KLC1: variants seen among roughly 807,000 people sequenced by gnomAD.
KLC1 encodes kinesin light chain 1.
A neutral mutation model predicts 84.2 loss-of-function variants in KLC1; 30 were observed. That is an observed-to-expected ratio of 0.36 (90% confidence interval 0.27 to 0.48). The LOEUF (loss-of-function observed/expected upper bound fraction) is 0.48, where lower values mean the gene tolerates loss of function less well. KLC1 is among the 20% of genes least tolerant of loss of function. The pLI, the probability that KLC1 is intolerant of heterozygous loss-of-function variation, is 0.99. For synonymous variants in KLC1, 289 were observed against 293.3 expected, an observed-to-expected ratio of 0.99 and a Z score of 0.15; for missense variants, 499 against 805.4, an observed-to-expected ratio of 0.62 and a Z score of 4.60.
At chr14:103,635,122 G>A (rs893096361) in intron 1 of KLC1, among the ~76,000 whole-genome samples, 19 of 152,190 alleles carry the variant, frequency 1.2e-4, no homozygotes, top group African/African-American at 3.9e-4. Context: ...TTAAAGCAAC[G>A]GATATGGAGC....
chr14:103,657,852 C>T lies in KLC1; in HGVS notation c.492+76C>T, dbSNP rs183373946. ...GGGAAAGTCATAGAGGTTCTGTTTG[C>T]CATATTCTTTTCATATTAGAACATA... On this transcript the variant is annotated intron_variant, in intron 3 of 16. Transcript: ENST00000334553. The T allele has an allele frequency of 7.8e-4, 846 of 1,079,138 alleles. 1 individual carries two copies. Among genetic ancestry groups the T allele is most frequent in the Non-Finnish European group, 1.0e-3 (750 of 724,948 alleles). The allele number at this position is 1,079,138 out of a possible 1,614,324, so 66.8% of individuals were successfully genotyped here. A position where few individuals can be genotyped will look rare whatever the true frequency, so the allele number is the denominator to read the frequency against.
intron 1 of KLC1, among the ~76,000 whole-genome samples, chr14:103,639,288 G>A (rs911612601): frequency 7.3e-5 from 11 of 151,482 alleles, no homozygotes; most frequent in African/African-American, 2.4e-4. Context: ...GTGCCACCAC[G>A]CCTAGCTAAT....
chr14:103,636,650 G>A (rs536871114), intron 1 of KLC1, among the ~76,000 whole-genome samples: 2 of 152,162 alleles, frequency 1.3e-5, no homozygotes, highest in Admixed American at 1.3e-4. Flanking sequence ...GCCTGGATTT[G>A]TAAAGTGTCT....
chr14:103,649,990 C>T lies in KLC1; in HGVS notation c.-1-4574C>T, dbSNP rs554777440. Among the ~76,000 whole-genome samples, 7 of 152,274 alleles carry T rather than the reference C, an allele frequency of 4.6e-5. No homozygotes were observed. The East Asian group carries it at 1.2e-3, about 25-fold the overall frequency. ...GATTACAGGCGTGAGCCACCGTGCC[C>T]GGCAGCTTCTTGTGTTTTGGGAGCT... On this transcript the variant is annotated intron_variant, in intron 1 of 16. Transcript: ENST00000334553.
At chr14:103,636,925 T>G (rs1286100807) in intron 1 of KLC1, among the ~76,000 whole-genome samples, 1 of 151,146 alleles carries the variant, frequency 6.6e-6, no homozygotes, top group East Asian at 2.0e-4. Context: ...AGATATGGGT[T>G]TCACCATGTT....
At chr14:103,690,959 A>G (rs2082073213) in intron 14 of KLC1, among the ~76,000 whole-genome samples, 1 of 152,190 alleles carries the variant, frequency 6.6e-6, no homozygotes, top group South Asian at 2.1e-4. Context: ...CTAACAATAA[A>G]GTTGATTTCC....
chr14:103,689,299 T>C (rs917593435), intron 14 of KLC1, among the ~76,000 whole-genome samples: 2 of 152,156 alleles, frequency 1.3e-5, no homozygotes, highest in Non-Finnish European at 2.9e-5. Context: ...AGTTGTTCTG[T>C]TTTCTCGTGT....
intron 13 of KLC1, chr14:103,685,525 G>T: frequency 1.6e-6 from 2 of 1,284,702 alleles, no homozygotes; most frequent in Admixed American, 2.3e-5. Context: ...CCACTCAGAA[G>T]GCTGCTGAGA....
In KLC1 at chr14:103,652,372, A is replaced by G. The variant is rs139425043; in HGVS notation, c.-1-2192A>G. Among the ~76,000 whole-genome samples the G allele has an allele frequency of 2.9e-3, 436 of 152,324 alleles. 5 individuals are homozygous for G. Among genetic ancestry groups the G allele is most frequent in the African/African-American group, 9.9e-3 (411 of 41,578 alleles). ...TGGATGAGGTCCCTAGTGGAGCAGC[A>G]GTATCACTCAGCAATATATTCCCAG... On this transcript the variant is annotated intron_variant, in intron 1 of 16. Transcript: ENST00000334553.
chr14:103,646,860 C>T (rs1213941649), intron 1 of KLC1, among the ~76,000 whole-genome samples: 1 of 152,132 alleles, frequency 6.6e-6, no homozygotes, highest in African/African-American at 2.4e-5. Context: ...GATCCTCCCA[C>T]CTCATCCTCC....
At chr14:103,695,817 C>T in intron 15 of KLC1, 1 of 985,400 alleles carries the variant, frequency 1.0e-6, no homozygotes, top group Non-Finnish European at 1.2e-6. Context: ...GCCAGGGGGC[C>T]TCCCTGAAGC....
chr14:103,649,483 C>A (rs777393172), intron 1 of KLC1, among the ~76,000 whole-genome samples: 1 of 145,236 alleles, frequency 6.9e-6, no homozygotes, highest in Non-Finnish European at 1.5e-5. Flanking sequence ...ATCTCCAGCA[C>A]TTTGGGAGGC....
In KLC1 at chr14:103,669,748, A is replaced by G. The variant is rs1236186068; in HGVS notation, c.885+150A>G. The G allele has an allele frequency of 6.6e-6, 4 of 607,910 alleles. No homozygotes were observed. The South Asian group carries it at 8.1e-5, about 12-fold the overall frequency. 37.7% of individuals were successfully genotyped at this position (607,910 alleles called of 1,614,324 possible). The stretch of plus-strand genomic sequence containing the variant: ...GCAGGTAGGAGGTCTTCACTTACTC[A>G]GTGCTAGTGACAGGCCAGAGCACAC... On this transcript the variant is annotated intron_variant, in intron 6 of 16. Transcript: ENST00000334553.
intron 2 of KLC1, among the ~76,000 whole-genome samples, chr14:103,655,703 G>A (rs1209843863): frequency 6.6e-6 from 1 of 151,378 alleles, no homozygotes; most frequent in Admixed American, 6.6e-5. Flanking sequence ...CTGTCCCCCG[G>A]GTTCAAGTGA....
At chr14:103,665,958 A>AT (rs1199571327) in intron 5 of KLC1, among the ~76,000 whole-genome samples, 11 of 151,336 alleles carry the variant, frequency 7.3e-5, no homozygotes, top group African/African-American at 2.2e-4. Flanking sequence ...ATTTTTAGTC[A>AT]TTTGTATCCT....
intron 5 of KLC1, among the ~76,000 whole-genome samples, chr14:103,663,697 G>A (rs1351681134): frequency 6.6e-6 from 1 of 152,170 alleles, no homozygotes; most frequent in Non-Finnish European, 1.5e-5. Flanking sequence ...ACGCCCCGGG[G>A]GAGTGGTGGG....
At chr14:103,685,711 C>G in intron 13 of KLC1, 2 of 1,289,554 alleles carry the variant, frequency 1.6e-6, no homozygotes, top group Non-Finnish European at 2.0e-6. Flanking sequence ...CTTCTCTCTC[C>G]AGTGCTGCCC....
Position 103,662,585 on chromosome 14 carries a change from A to G in KLC1, c.572-117A>G, listed in dbSNP as rs1327079075. Reference sequence around the variant, plus strand: ...GACAGTACTAGGAAAAGATTTAAATAGCACTGGGGGCCAAGTACTAACTTG... The same window carrying G: ...GACAGTACTAGGAAAAGATTTAAATGGCACTGGGGGCCAAGTACTAACTTG... On this transcript the variant is annotated intron_variant, in intron 4 of 16. Transcript: ENST00000334553. 6.5e-6 allele frequency: 5 copies of G among 772,642 alleles called. No homozygotes were observed. In the African/African-American group the frequency reaches 8.7e-5, roughly 13 times the overall value. The allele number at this position is 772,642 out of a possible 1,614,324, so 47.9% of individuals were successfully genotyped here.
intron 16 of KLC1, among the ~76,000 whole-genome samples, 191 bp downstream of exon 16, chr14:103,700,918 G>A (rs1215344385): frequency 2.0e-5 from 3 of 152,228 alleles, no homozygotes; most frequent in Non-Finnish European, 2.9e-5. Context: ...GAGTGGGGGG[G>A]TGGGAATGGC....
Sources: gnomAD v4.1 joint callset for allele counts (sites outside exome capture counted in the v4.1 genomes callset) on GRCh38, gnomAD v4.1.1 for gene constraint, MANE v1.5 for transcripts, NCBI Gene and HGNC (gene_info 2026-07-23, HGNC 2026-07-21) for gene names.